Variants in NECTIN1 observed in about 807,000 individuals in gnomAD.
The protein encoded by NECTIN1 is nectin-1.
NECTIN1 carries 23 observed loss-of-function variants against 48.0 expected under a neutral mutation model. The observed-to-expected ratio is 0.48, with a 90% CI of 0.34 to 0.68. NECTIN1 has a LOEUF of 0.68. Among genes scored for constraint, NECTIN1 ranks in the 30% least tolerant of loss-of-function variants. The pLI, the probability that NECTIN1 is intolerant of heterozygous loss-of-function variation, is 0.01. For missense variants in NECTIN1, 591 were observed against 709.9 expected, an observed-to-expected ratio of 0.83 and a Z score of 1.90; for synonymous variants, 270 against 288.9, an observed-to-expected ratio of 0.93 and a Z score of 0.66.
intron 1 of NECTIN1, among the ~76,000 whole-genome samples, chr11:119,719,181 A>G (rs1265017493): frequency 6.6e-6 from 1 of 152,216 alleles, no homozygotes; most frequent in Non-Finnish European, 1.5e-5. Context: ...CTGAAGATTC[A>G]GCACTAATAA....
chr11:119,688,442 G>A (rs143063159), intron 1 of NECTIN1, among the ~76,000 whole-genome samples: 3 of 151,888 alleles, frequency 2.0e-5, no homozygotes, highest in Admixed American at 2.0e-4. Flanking sequence ...CATTTTGGAG[G>A]GGGGGACTGT....
At chr11:119,701,915 T>A (rs1158433197) in intron 1 of NECTIN1, among the ~76,000 whole-genome samples, 2 of 152,060 alleles carry the variant, frequency 1.3e-5, no homozygotes, top group Non-Finnish European at 2.9e-5. Context: ...GCCCCAGACA[T>A]TAAGCTGTCA....
rs140084362 is a variant in NECTIN1 at position 119,716,003 on chromosome 11, C to T, written c.79+12472G>A. Among the ~76,000 whole-genome samples, 855 of 152,354 alleles carry T rather than the reference C, an allele frequency of 5.6e-3. 9 individuals are homozygous for T. The highest frequency in any genetic ancestry group is 0.02 in the African/African-American group (818 of 41,584). ...AGGATGAACCTGTCTGCCTCTCCCACAACACATCCAGGGCAGTGGGATTCC... is the reference window on the plus strand; with the variant it reads ...AGGATGAACCTGTCTGCCTCTCCCATAACACATCCAGGGCAGTGGGATTCC... On this transcript the variant is annotated intron_variant, in intron 1 of 5. Transcript: ENST00000264025.
rs566377467 is a variant in NECTIN1, at chr11:119,700,447, T to C, written c.80-21682A>G. Among the ~76,000 whole-genome samples the C allele has an allele frequency of 3.9e-5, 6 of 152,342 alleles. No individual in the cohort carries two copies. The South Asian group carries it at 1.0e-3, about 26-fold the overall frequency. On this transcript the variant is annotated intron_variant, in intron 1 of 5. Transcript: ENST00000264025. ...GTGGCTTTCTCTTTCCAAGCCTCAGTTTCCTCATTTAAAACACAGGAAGGC... is the reference window on the plus strand; with the variant it reads ...GTGGCTTTCTCTTTCCAAGCCTCAGCTTCCTCATTTAAAACACAGGAAGGC...
Position 119,678,791 on chromosome 11 carries a change from G to T in NECTIN1, c.80-26C>A. The T allele has an allele frequency of 6.5e-7, 1 of 1,543,978 alleles. No individual in the cohort carries two copies. The highest frequency in any genetic ancestry group is 8.8e-7 in the Non-Finnish European group (1 of 1,131,164). The stretch of plus-strand genomic sequence containing the variant: ...CTGGCCAGGAGGATGGCAGCAAGTG[G>T]TCAGTGTCAGGCACAGCCTCCCCCC... On this transcript the variant is annotated intron_variant, in intron 1 of 5. Coordinates refer to ENST00000264025, the MANE Select transcript of NECTIN1 (RefSeq NM_002855.5). This position sits in a 1 kb window ranked among gnomAD's most constrained non-coding sequence, Gnocchi z 4.4.
chr11:119,692,235 T>C (rs533990409), intron 1 of NECTIN1, among the ~76,000 whole-genome samples: 213 of 152,134 alleles, frequency 1.4e-3, no homozygotes, highest in Non-Finnish European at 2.2e-3. Context: ...CAGGGCCTGC[T>C]CCGCACACTG....
intron 1 of NECTIN1, among the ~76,000 whole-genome samples, chr11:119,714,727 A>T (rs1865718420): frequency 6.9e-6 from 1 of 144,290 alleles, no homozygotes; most frequent in Non-Finnish European, 1.5e-5. Context: ...GAAATTTATC[A>T]TTAATCCTAA....
rs1284097520 is a variant in NECTIN1 at position 119,663,343 on chromosome 11, G to A, written c.*1404C>T. ...TCTTCCTCCATTATATACATGGGAAGACCCAGTCTGGGGTGGCTGATAGGA... is the reference window on the plus strand; with the variant it reads ...TCTTCCTCCATTATATACATGGGAAAACCCAGTCTGGGGTGGCTGATAGGA... On this transcript the variant is annotated 3_prime_UTR_variant, in exon 6 of 6. Coordinates refer to ENST00000264025, the MANE Select transcript of NECTIN1 (RefSeq NM_002855.5). 1 of 985,346 alleles carries A rather than the reference G, an allele frequency of 1.0e-6. No homozygotes were observed. The highest frequency in any genetic ancestry group is 1.7e-5 in the African/African-American group (1 of 57,246). The allele number at this position is 985,346 out of a possible 1,614,324, so 61.0% of individuals were successfully genotyped here.
intron 5 of NECTIN1, among the ~76,000 whole-genome samples, chr11:119,669,186 C>T (rs375433724): frequency 5.3e-5 from 8 of 152,218 alleles, no homozygotes; most frequent in East Asian, 3.9e-4. Flanking sequence ...CCGAGGCGGA[C>T]GGATCACCTA....
At chr11:119,703,712 T>C (rs1355494816) in intron 1 of NECTIN1, among the ~76,000 whole-genome samples, 1 of 152,238 alleles carries the variant, frequency 6.6e-6, no homozygotes, top group Non-Finnish European at 1.5e-5. Context: ...AAGAACCTCC[T>C]GTCTGCCTCG....
chr11:119,722,684 T>C (rs918690801), intron 1 of NECTIN1, among the ~76,000 whole-genome samples: 5 of 151,890 alleles, frequency 3.3e-5, no homozygotes, highest in Non-Finnish European at 5.9e-5. Flanking sequence ...GGCTCCCGAG[T>C]GGGGGCAGGG....
intron 1 of NECTIN1, among the ~76,000 whole-genome samples, chr11:119,691,378 C>T (rs1865248907): frequency 6.6e-6 from 1 of 152,252 alleles, no homozygotes; most frequent in African/African-American, 2.4e-5. Flanking sequence ...TTTCTTTCCA[C>T]CTGAGAGTCC....
At chr11:119,639,641 C>T in intron 6 of NECTIN1, 1 of 601,432 alleles carries the variant, frequency 1.7e-6, no homozygotes, top group Non-Finnish European at 3.0e-6. Flanking sequence ...TAAAATGCAT[C>T]TTTATGAAGC....
At chr11:119,708,109 G>A (rs1865577566) in intron 1 of NECTIN1, among the ~76,000 whole-genome samples, 1 of 152,230 alleles carries the variant, frequency 6.6e-6, no homozygotes. Flanking sequence ...AGAAGGGGGA[G>A]TGATTCTGTC....
intron 1 of NECTIN1, among the ~76,000 whole-genome samples, chr11:119,705,024 G>T (rs780524572): frequency 1.4e-4 from 22 of 152,208 alleles, no homozygotes; most frequent in Non-Finnish European, 2.5e-4. Context: ...AGAAGATAAG[G>T]TGAGAGAACT....
intron 5 of NECTIN1, among the ~76,000 whole-genome samples, chr11:119,666,577 A>C (rs1200180664): frequency 6.6e-6 from 1 of 152,244 alleles, no homozygotes. Context: ...GTGGCACCAG[A>C]GACCACAGCT....
At chr11:119,703,314 G>A (rs779292177) in intron 1 of NECTIN1, among the ~76,000 whole-genome samples, 1 of 152,244 alleles carries the variant, frequency 6.6e-6, no homozygotes. Context: ...GGCCCAAGTA[G>A]TCAGGAAGGG....
intron 1 of NECTIN1, among the ~76,000 whole-genome samples, chr11:119,698,444 T>C (rs984313904): frequency 6.6e-6 from 1 of 152,244 alleles, no homozygotes; most frequent in Non-Finnish European, 1.5e-5. Context: ...AGTGGAGAAG[T>C]TCTTCCTGAT....
chr11:119,675,265 G>A lies in NECTIN1; in HGVS notation c.897C>T (p.Thr299=). Residue 299 remains threonine (T), a synonymous_variant, in exon 5 of 6, where the codon ACC becomes ACT. Transcript: ENST00000264025. Reference sequence around the variant, plus strand: ...AGTTGATGGGTCCCTTGAAGAAGAGGGTTCTGTTCTGGGCCTCCACACCCT... The same window carrying A: ...AGTTGATGGGTCCCTTGAAGAAGAGAGTTCTGTTCTGGGCCTCCACACCCT... ...LPKGVEAQNR[T]LFFKGPINYS... The A allele has an allele frequency of 5.6e-6, 9 of 1,614,100 alleles. No homozygotes were observed. The highest frequency in any genetic ancestry group is 7.6e-6 in the Non-Finnish European group (9 of 1,180,030).
Sources: allele counts gnomAD v4.1 joint callset (sites outside exome capture counted in the v4.1 genomes callset), GRCh38; gene constraint gnomAD v4.1.1; non-coding constraint Gnocchi (gnomAD v3.1); transcripts MANE v1.5; gene names NCBI Gene and HGNC (gene_info 2026-07-23, HGNC 2026-07-21).